ITPR2: variants seen among roughly 807,000 people sequenced by gnomAD.
The protein encoded by ITPR2 is inositol 1,4,5-trisphosphate-gated calcium channel ITPR2.
A neutral mutation model predicts 317.1 loss-of-function variants in ITPR2; 207 were observed. That is an observed-to-expected ratio of 0.65 (90% CI 0.58 to 0.73). ITPR2 has a LOEUF of 0.73. ITPR2 is among the 30% of genes least tolerant of loss of function. ITPR2 has a pLI of 0.00. For synonymous variants in ITPR2, 1,156 were observed against 1,149.1 expected, an observed-to-expected ratio of 1.01 and a Z score of -0.12; for missense variants, 2,613 against 3,284.0, an observed-to-expected ratio of 0.80 and a Z score of 4.99.
intron 2 of ITPR2, among the ~76,000 whole-genome samples, chr12:26,742,815 G>GAAA (rs796564571): frequency 4.1e-4 from 55 of 134,682 alleles, no homozygotes; most frequent in African/African-American, 1.4e-3. Context: ...TCTGTCTTGG[G>GAAA]AAAAAAAAAA....
chr12:26,638,409 G>T (rs1331049356), intron 21 of ITPR2, among the ~76,000 whole-genome samples: 1 of 152,204 alleles, frequency 6.6e-6, no homozygotes, highest in African/African-American at 2.4e-5. Context: ...ATGCAAACCA[G>T]TTACTGAAAA....
intron 10 of ITPR2, 129 bp downstream of exon 10, chr12:26,695,477 A>C (rs1982385): frequency 0.85 from 611,344 of 721,940 alleles, 259,305 homozygotes; most frequent in Admixed American, 0.9. Flanking sequence ...TTACCTGTGA[A>C]CCATAGGCTC....
At chr12:26,425,928 C>A (rs1941046357) in intron 49 of ITPR2, among the ~76,000 whole-genome samples, 1 of 152,178 alleles carries the variant, frequency 6.6e-6, no homozygotes, top group Admixed American at 6.5e-5. Context: ...TTATCCTCTC[C>A]CATGAGGGGA....
chr12:26,566,477 G>C (rs1256135094), intron 34 of ITPR2, among the ~76,000 whole-genome samples: 1 of 135,884 alleles, frequency 7.4e-6, no homozygotes, highest in African/African-American at 3.0e-5. Flanking sequence ...AGGAGGAGGA[G>C]GGAGAGGAGG....
At chr12:26,550,128 T>C in intron 37 of ITPR2, 119 bp downstream of exon 37, 1 of 514,954 alleles carries the variant, frequency 1.9e-6, no homozygotes, top group African/African-American at 2.0e-5. Context: ...TTCATCTAAG[T>C]ACATGCATCA....
intron 52 of ITPR2, among the ~76,000 whole-genome samples, chr12:26,405,835 G>A (rs1003586670): frequency 3.9e-5 from 6 of 152,166 alleles, no homozygotes; most frequent in Non-Finnish European, 8.8e-5. Flanking sequence ...GTGCATGCCT[G>A]TAATCCCAGA....
intron 1 of ITPR2, among the ~76,000 whole-genome samples, chr12:26,803,359 C>CA (rs34175926): frequency 0.22 from 31,378 of 145,004 alleles, 3,747 homozygotes; most frequent in Middle Eastern, 0.3. Context: ...ATAGTAAGTG[C>CA]AAAAAAAAAA....
At chr12:26,813,754 A>G (rs1950797628) in intron 1 of ITPR2, among the ~76,000 whole-genome samples, 1 of 152,216 alleles carries the variant, frequency 6.6e-6, no homozygotes, top group Non-Finnish European at 1.5e-5. Flanking sequence ...CAGGAAGTGT[A>G]CGCCACCTGA....
At chr12:26,361,565 T>C (rs1372528758) in intron 55 of ITPR2, among the ~76,000 whole-genome samples, 1 of 152,222 alleles carries the variant, frequency 6.6e-6, no homozygotes, top group Non-Finnish European at 1.5e-5. Flanking sequence ...AAAGGTAACC[T>C]AATTATTTTA....
At chr12:26,721,720 G>A (rs1162901940) in intron 5 of ITPR2, among the ~76,000 whole-genome samples, 2 of 151,954 alleles carry the variant, frequency 1.3e-5, no homozygotes, top group Non-Finnish European at 2.9e-5. Context: ...TTATAAAGTA[G>A]CAGAAAATAT....
chr12:26,460,736 C>T (rs995663059), intron 45 of ITPR2, among the ~76,000 whole-genome samples: 1 of 152,090 alleles, frequency 6.6e-6, no homozygotes, highest in African/African-American at 2.4e-5. Flanking sequence ...GTCGGGGTCC[C>T]GGAATTTGAT....
chr12:26,525,131 A>C (rs2136947567), intron 37 of ITPR2, among the ~76,000 whole-genome samples: 1 of 152,292 alleles, frequency 6.6e-6, no homozygotes, highest in Middle Eastern at 3.4e-3. Context: ...AGGATAAAGA[A>C]ATTTCCAAAG....
chr12:26,342,607 T>C (rs867195837), intron 55 of ITPR2, among the ~76,000 whole-genome samples: 14 of 151,182 alleles, frequency 9.3e-5, no homozygotes, highest in Admixed American at 3.3e-4. Flanking sequence ...TTGTTTTTTG[T>C]TTGTTTGTTT....
At chr12:26,529,565 A>G (rs1246058212) in intron 37 of ITPR2, among the ~76,000 whole-genome samples, 1 of 152,220 alleles carries the variant, frequency 6.6e-6, no homozygotes, top group African/African-American at 2.4e-5. Flanking sequence ...TGAGACAGGT[A>G]GCAGAATAAT....
chr12:26,805,950 A>AT (rs1950632949), intron 1 of ITPR2, among the ~76,000 whole-genome samples: 1 of 152,122 alleles, frequency 6.6e-6, no homozygotes, highest in Non-Finnish European at 1.5e-5. Context: ...GATCTGGTTT[A>AT]TTTCTAAAAA....
intron 9 of ITPR2, among the ~76,000 whole-genome samples, chr12:26,706,968 C>CT (rs1278609040): frequency 6.6e-6 from 1 of 152,162 alleles, no homozygotes; most frequent in Non-Finnish European, 1.5e-5. Context: ...TTTTATTTCT[C>CT]TAACAGTCCA....
At chr12:26,396,737 A>G (rs1198898465) in intron 54 of ITPR2, among the ~76,000 whole-genome samples, 2 of 152,230 alleles carry the variant, frequency 1.3e-5, no homozygotes, top group Non-Finnish European at 2.9e-5. Flanking sequence ...TCTGTGCTGT[A>G]TCCCACTGGG....
At chr12:26,461,561 T>A (rs1190337391) in intron 45 of ITPR2, among the ~76,000 whole-genome samples, 2 of 147,810 alleles carry the variant, frequency 1.4e-5, no homozygotes, top group East Asian at 4.0e-4. Flanking sequence ...TCTGGTATAG[T>A]AACAGAAACC....
rs530893463 is a variant in ITPR2 at position 26,454,609 on chromosome 12, A to AT, written c.6343-10960dup. On this transcript the variant is annotated intron_variant, in intron 45 of 56. Coordinates refer to ENST00000381340, the MANE Select transcript of ITPR2 (RefSeq NM_002223.4). ...TCTGATTCTTTCACTGTTTCTGGTG[A>AT]TTTTTTTTTTAAGGCAAACATCAAA... 6.4e-4 allele frequency among the ~76,000 whole-genome samples: 95 copies of AT among 149,510 alleles called. No individual in the cohort carries two copies. The South Asian group carries it at 9.6e-3, about 15-fold the overall frequency.
Sources: allele counts gnomAD v4.1 joint callset (sites outside exome capture counted in the v4.1 genomes callset), GRCh38; gene constraint gnomAD v4.1.1; transcripts MANE v1.5; gene names NCBI Gene and HGNC (gene_info 2026-07-23, HGNC 2026-07-21).